The following FYB1 variants were observed in gnomAD, a reference collection of about 807,000 sequenced individuals.
The protein encoded by FYB1 is FYN binding protein 1, also known as FYN-binding protein 1.
In FYB1, 41 loss-of-function variants were observed where a neutral mutation model predicts 94.1. The ratio of observed to expected loss-of-function variants is 0.44; its 90% CI spans 0.34 to 0.57. The LOEUF is 0.57. Ranked by LOEUF, FYB1 falls within the 20% of genes least tolerant of loss-of-function variation. The pLI is 0.02. For missense variants in FYB1, 1,050 were observed against 976.8 expected, an observed-to-expected ratio of 1.07 and a Z score of -1.00; for synonymous variants, 367 against 353.2, an observed-to-expected ratio of 1.04 and a Z score of -0.44.
At position 39,272,807 on chromosome 5, in the gene FYB1, G is replaced by A. The variant is rs1487746645; in HGVS notation, c.-28+1596C>T. ...TTCAGTTAACAGTGTAATTTATTGG[G>A]TAAGTCTCTGGTTAAGAGAACTTTG... On this transcript the variant is annotated intron_variant, in intron 1 of 1. Transcript: ENST00000510188. Among the ~76,000 whole-genome samples the A allele has an allele frequency of 2.0e-5, 3 of 152,042 alleles. No homozygotes were observed. In the East Asian group the frequency reaches 5.8e-4, roughly 29 times the overall value.
At position 39,126,068 on chromosome 5, in the gene FYB1, T is replaced by C. The variant is rs1264743034; in HGVS notation, c.1975A>G (p.Lys659Glu). 1 of 1,613,546 alleles carries C rather than the reference T, an allele frequency of 6.2e-7. No individual in the cohort carries two copies. Among genetic ancestry groups the C allele is most frequent in the South Asian group, 1.1e-5 (1 of 91,064 alleles). The part of the protein sequence containing the change: ...SWGILKMLKG[K>E]DDRKKSIREK... ...CGTATACTTTTCTTTCTGTCATCTT[T>C]TCCCTTTAACATCTTCAAAATCCCC... The change falls in exon 12 of 19, where the codon AAA (lysine) becomes GAA (glutamate). Residue 659 changes from lysine (K) to glutamate (E), a missense_variant. By Grantham distance (56) the Lys-to-Glu change is moderately conservative (BLOSUM62 1). Transcript: ENST00000512982.
intron 3 of FYB1, among the ~76,000 whole-genome samples, chr5:39,144,657 C>T (rs886422679): frequency 2.5e-4 from 38 of 152,032 alleles, no homozygotes; most frequent in Admixed American, 1.6e-3. Flanking sequence ...CAAAAATTAG[C>T]CGAGTGTGGT....
chr5:39,122,234 C>A, intron 14 of FYB1, 102 bp downstream of exon 14: 1 of 730,922 alleles, frequency 1.4e-6, no homozygotes, highest in Non-Finnish European at 2.4e-6. Context: ...CCAACAGGAT[C>A]GCACACAGTA....
chr5:39,172,200 C>A (rs74368051), intron 2 of FYB1, among the ~76,000 whole-genome samples: 2 of 152,082 alleles, frequency 1.3e-5, no homozygotes, highest in African/African-American at 4.8e-5. Flanking sequence ...AATCCCAGCA[C>A]TTTGGGAGGC....
intron 1 of FYB1, among the ~76,000 whole-genome samples, chr5:39,217,878 A>G (rs1182826315): frequency 6.6e-6 from 1 of 152,224 alleles, no homozygotes; most frequent in Non-Finnish European, 1.5e-5. Flanking sequence ...CGTATTGTGT[A>G]AATGGTGGAA....
intron 1 of FYB1, among the ~76,000 whole-genome samples, chr5:39,240,969 A>G (rs535730960): frequency 6.6e-6 from 1 of 152,348 alleles, no homozygotes; most frequent in African/African-American, 2.4e-5. Context: ...CATATACACC[A>G]TGGAATACTA....
chr5:39,264,029 G>A (rs769458726), intron 1 of FYB1, among the ~76,000 whole-genome samples: 4 of 152,144 alleles, frequency 2.6e-5, no homozygotes, highest in Non-Finnish European at 5.9e-5. Context: ...AGAAGGTGAG[G>A]CCTTTGGGGA....
rs143590256 is a variant in FYB1 at position 39,125,386 on chromosome 5, G to T, written c.2045+612C>A. On this transcript the variant is annotated intron_variant, in intron 12 of 18. Coordinates refer to ENST00000512982, the MANE Select transcript of FYB1 (RefSeq NM_001465.6). ...AAGGATTATTTTTGGAATAGAAAGA[G>T]AAAAGTTATGCCTTAGATTTTATTT... is the stretch of plus-strand genomic sequence containing the variant. 8.2e-3 allele frequency among the ~76,000 whole-genome samples: 1,252 copies of T among 152,240 alleles called. 2 individuals carry two copies. Among genetic ancestry groups the T allele is most frequent in the Non-Finnish European group, 0.012 (810 of 67,988 alleles).
At chr5:39,176,392 C>G (rs1745737803) in intron 2 of FYB1, among the ~76,000 whole-genome samples, 1 of 151,940 alleles carries the variant, frequency 6.6e-6, no homozygotes, top group African/African-American at 2.4e-5. Context: ...CCAGGTGATT[C>G]ACTCGCTTCG....
At chr5:39,176,639 G>T (rs1295670114) in intron 2 of FYB1, among the ~76,000 whole-genome samples, 1 of 152,120 alleles carries the variant, frequency 6.6e-6, no homozygotes, top group Non-Finnish European at 1.5e-5. Context: ...CTTTAAAAGT[G>T]CCAATCTTTA....
chr5:39,223,927 T>A (rs762540334), upstream of FYB1, among the ~76,000 whole-genome samples: 30 of 152,148 alleles, frequency 2.0e-4, no homozygotes, highest in Non-Finnish European at 3.5e-4. Context: ...CACACTCCCC[T>A]CTTCTCCAGG....
At position 39,175,810 on chromosome 5, in the gene FYB1, T is replaced by C. The variant is rs533896283; in HGVS notation, c.1136-22206A>G. On this transcript the variant is annotated intron_variant, in intron 2 of 18. Coordinates refer to ENST00000512982, the MANE Select transcript of FYB1 (RefSeq NM_001465.6). The stretch of plus-strand genomic sequence containing the variant: ...TGCTGGTGTTGGGGGAAGGGGTTGC[T>C]TTTGGTCATTACAATAGTGAATAAC... Among the ~76,000 whole-genome samples the C allele has an allele frequency of 2.6e-5, 4 of 152,242 alleles. No homozygotes were observed. The South Asian group carries it at 8.3e-4, about 32-fold the overall frequency.
In FYB1 at chr5:39,177,241, A is replaced by G. The variant is rs185186992; in HGVS notation, c.1136-23637T>C. Among the ~76,000 whole-genome samples the G allele has an allele frequency of 5.3e-5, 8 of 152,230 alleles. No homozygotes were observed. The East Asian group carries it at 7.7e-4, about 15-fold the overall frequency. On this transcript the variant is annotated intron_variant, in intron 2 of 18. Coordinates refer to ENST00000512982, the MANE Select transcript of FYB1 (RefSeq NM_001465.6). Reference sequence around the variant, plus strand: ...TCCTGAGGGCTGTGGCTAACCTCCAAAGTTTATTGTTTCTGTTGCTGCCTT... The same window carrying G: ...TCCTGAGGGCTGTGGCTAACCTCCAGAGTTTATTGTTTCTGTTGCTGCCTT...
chr5:39,173,122 G>C (rs545142547), intron 2 of FYB1, among the ~76,000 whole-genome samples: 1 of 151,942 alleles, frequency 6.6e-6, no homozygotes, highest in African/African-American at 2.4e-5. Context: ...GTTGTTTTTT[G>C]ATTATTTTAA....
chr5:39,171,179 AC>A (rs1157496229), intron 2 of FYB1, among the ~76,000 whole-genome samples: 1 of 151,730 alleles, frequency 6.6e-6, no homozygotes, highest in Non-Finnish European at 1.5e-5. Flanking sequence ...AATCCCAGCT[AC>A]TCGGGAGGCT....
At chr5:39,164,758 A>G (rs1429598628) in intron 2 of FYB1, among the ~76,000 whole-genome samples, 1 of 152,196 alleles carries the variant, frequency 6.6e-6, no homozygotes, top group Non-Finnish European at 1.5e-5. Context: ...TAAGTAAAGA[A>G]AGAGAAAGCC....
chr5:39,114,324 G>A (rs1016920012), intron 16 of FYB1, among the ~76,000 whole-genome samples: 2 of 152,150 alleles, frequency 1.3e-5, no homozygotes, highest in East Asian at 1.9e-4. Context: ...TTATATTTAA[G>A]AGTTCAACGC....
intron 1 of FYB1, among the ~76,000 whole-genome samples, chr5:39,244,643 T>C (rs1751385948): frequency 6.6e-6 from 1 of 152,204 alleles, no homozygotes; most frequent in Non-Finnish European, 1.5e-5. Context: ...ATCAGTATGA[T>C]TCTGGCTTCA....
intron 1 of FYB1, among the ~76,000 whole-genome samples, chr5:39,251,154 CT>C (rs965665859): frequency 1.3e-5 from 2 of 151,990 alleles, no homozygotes; most frequent in African/African-American, 4.8e-5. Context: ...ATTTTAGAAC[CT>C]GGAAAAACGG....
Sources: allele counts gnomAD v4.1 joint callset (sites outside exome capture counted in the v4.1 genomes callset), GRCh38; gene constraint gnomAD v4.1.1; transcripts MANE v1.5; gene names NCBI Gene and HGNC (gene_info 2026-07-23, HGNC 2026-07-21).